NXPH1: variants seen among roughly 807,000 people sequenced by gnomAD.
NXPH1 encodes neurexophilin 1, also known as neurexophilin-1.
A neutral mutation model predicts 23.7 loss-of-function variants in NXPH1; 5 were observed. That is an observed-to-expected ratio of 0.21 (90% CI 0.11 to 0.44). The LOEUF is 0.44. Among genes scored for constraint, NXPH1 ranks in the 20% least tolerant of loss-of-function variants. NXPH1 has a pLI of 0.99. For missense variants in NXPH1, 324 were observed against 321.6 expected (o/e 1.01, Z -0.06); for synonymous variants, 144 against 122.2 (o/e 1.18, Z -1.18).
intron 2 of NXPH1, among the ~76,000 whole-genome samples, chr7:8,652,500 T>A (rs1820505305): frequency 6.6e-6 from 1 of 152,174 alleles, no homozygotes; most frequent in African/African-American, 2.4e-5. Context: ...TATTACATGA[T>A]ATAACAAATT....
intron 2 of NXPH1, among the ~76,000 whole-genome samples, chr7:8,612,933 A>G (rs975740961): frequency 6.6e-6 from 1 of 152,058 alleles, no homozygotes; most frequent in Non-Finnish European, 1.5e-5. Context: ...TCTATGCTGC[A>G]GTGAAACTGC....
chr7:8,557,466 A>G (rs1818377980), intron 2 of NXPH1, among the ~76,000 whole-genome samples: 1 of 151,226 alleles, frequency 6.6e-6, no homozygotes, highest in South Asian at 2.1e-4. Context: ...AACCCTAGCT[A>G]CTCCTTTGCA....
chr7:8,643,355 A>C (rs1463461687), intron 2 of NXPH1, among the ~76,000 whole-genome samples: 2 of 152,114 alleles, frequency 1.3e-5, no homozygotes, highest in Non-Finnish European at 2.9e-5. Flanking sequence ...GGCTATGATG[A>C]ATTATTTTGT....
chr7:8,675,729 A>G (rs1820941574), intron 2 of NXPH1, among the ~76,000 whole-genome samples: 1 of 152,186 alleles, frequency 6.6e-6, no homozygotes, highest in Non-Finnish European at 1.5e-5. Flanking sequence ...TATCCAGGTA[A>G]ACGTGGATGA....
chr7:8,650,772 A>G (rs2115151857), intron 2 of NXPH1, among the ~76,000 whole-genome samples: 1 of 152,312 alleles, frequency 6.6e-6, no homozygotes, highest in South Asian at 2.1e-4. Context: ...AAGTGAAATG[A>G]CAGTGCTGTT....
chr7:8,674,437 T>G (rs774870025), intron 2 of NXPH1, among the ~76,000 whole-genome samples: 1 of 152,176 alleles, frequency 6.6e-6, no homozygotes, highest in Non-Finnish European at 1.5e-5. Flanking sequence ...CTATATTTTA[T>G]GTTCAGAAAA....
intron 2 of NXPH1, among the ~76,000 whole-genome samples, chr7:8,552,522 C>T (rs952065595): frequency 6.6e-6 from 1 of 151,286 alleles, no homozygotes; most frequent in Non-Finnish European, 1.5e-5. Context: ...GCAAAAATAC[C>T]AGGTAATATG....
chr7:8,574,154 G>A (rs1019236489), intron 2 of NXPH1, among the ~76,000 whole-genome samples: 3 of 152,028 alleles, frequency 2.0e-5, no homozygotes, highest in African/African-American at 7.3e-5. Flanking sequence ...ATCTGTACAC[G>A]GTTTGCACCT....
intron 2 of NXPH1, among the ~76,000 whole-genome samples, chr7:8,590,802 TG>T: frequency 1.3e-5 from 2 of 152,198 alleles, no homozygotes; most frequent in African/African-American, 4.8e-5. Flanking sequence ...TTAGTTTTTT[TG>T]CTAAATTTTG....
intron 2 of NXPH1, among the ~76,000 whole-genome samples, chr7:8,559,891 G>C (rs1818412952): frequency 6.6e-6 from 1 of 151,682 alleles, no homozygotes; most frequent in Non-Finnish European, 1.5e-5. Context: ...TGATCCATTT[G>C]TAGTGGTTGT....
At chr7:8,661,310 A>G (rs531839829) in intron 2 of NXPH1, among the ~76,000 whole-genome samples, 6 of 152,274 alleles carry the variant, frequency 3.9e-5, no homozygotes, top group African/African-American at 1.4e-4. Context: ...AGTAATACCA[A>G]TACCAAAGTG....
chr7:8,676,128 A>G (rs1358993125), intron 2 of NXPH1, among the ~76,000 whole-genome samples: 1 of 152,224 alleles, frequency 6.6e-6, no homozygotes, highest in African/African-American at 2.4e-5. Context: ...TAACATTTCA[A>G]TGCAGTTGCT....
At chr7:8,436,477 T>G (rs1816197884) in intron 2 of NXPH1, among the ~76,000 whole-genome samples, 1 of 152,208 alleles carries the variant, frequency 6.6e-6, no homozygotes, top group African/African-American at 2.4e-5. Context: ...GCGGTCCTTG[T>G]CCTTCAGTAG....
At chr7:8,629,824 A>T (rs1056102942) in intron 2 of NXPH1, among the ~76,000 whole-genome samples, 3 of 152,194 alleles carry the variant, frequency 2.0e-5, no homozygotes, top group African/African-American at 7.2e-5. Flanking sequence ...TGCACAAAGT[A>T]AAGTGGGGAG....
At chr7:8,619,894 C>T (rs1028566386) in intron 2 of NXPH1, among the ~76,000 whole-genome samples, 1 of 152,176 alleles carries the variant, frequency 6.6e-6, no homozygotes, top group African/African-American at 2.4e-5. Context: ...AGACTTGCTT[C>T]CTCAACTACC....
At chr7:8,480,434 C>T (rs1162136607) in intron 2 of NXPH1, among the ~76,000 whole-genome samples, 1 of 152,140 alleles carries the variant, frequency 6.6e-6, no homozygotes, top group Non-Finnish European at 1.5e-5. Flanking sequence ...GCCCAATGCT[C>T]CAGAGAATAG....
rs191320275 is a variant in NXPH1, at chr7:8,640,682, C to A, written c.55-110326C>A. On this transcript the variant is annotated intron_variant, in intron 2 of 2. Coordinates refer to ENST00000405863, the MANE Select transcript of NXPH1 (RefSeq NM_152745.3). ...AGTTCTATCAGAAATCCTGGTTGGGCATGGTAGCCACACCTGTAATGTTAG... is the reference window on the plus strand; with the variant it reads ...AGTTCTATCAGAAATCCTGGTTGGGAATGGTAGCCACACCTGTAATGTTAG... Among the ~76,000 whole-genome samples the A allele has an allele frequency of 2.1e-3, 324 of 152,238 alleles. 1 individual carries two copies. The highest frequency in any genetic ancestry group is 6.1e-3 in the Admixed American group (94 of 15,288).
At chr7:8,673,486 A>G (rs904157407) in intron 2 of NXPH1, among the ~76,000 whole-genome samples, 1 of 152,172 alleles carries the variant, frequency 6.6e-6, no homozygotes, top group Non-Finnish European at 1.5e-5. Flanking sequence ...AAAGCATGTG[A>G]TATTTTCCAA....
chr7:8,541,586 G>A (rs967997808), intron 2 of NXPH1, among the ~76,000 whole-genome samples: 2 of 151,644 alleles, frequency 1.3e-5, no homozygotes, highest in South Asian at 2.1e-4. Flanking sequence ...ATTAAAACTG[G>A]TTGCCACATG....
Sources: gnomAD v4.1 joint callset for allele counts (sites outside exome capture counted in the v4.1 genomes callset) on GRCh38, gnomAD v4.1.1 for gene constraint, MANE v1.5 for transcripts, NCBI Gene and HGNC (gene_info 2026-07-23, HGNC 2026-07-21) for gene names.